TMEM121: variants seen among roughly 807,000 people sequenced by gnomAD.
TMEM121 encodes transmembrane protein 121A.
Under a neutral mutation model 16.4 loss-of-function variants are expected in TMEM121, and 8 were observed. The ratio of observed to expected loss-of-function variants is 0.49; its 90% CI spans 0.29 to 0.88. TMEM121 has a LOEUF of 0.88. Ranked by LOEUF, TMEM121 falls within the 40% of genes least tolerant of loss-of-function variation. The pLI is 0.09. For missense variants in TMEM121, 401 were observed against 462.0 expected (o/e 0.87, Z 1.21); for synonymous variants, 235 against 226.2 (o/e 1.04, Z -0.35).
In TMEM121 at chr14:105,529,164, C is replaced by T. The variant is rs367744233; in HGVS notation, c.330C>T (p.Arg110=). The part of the protein sequence containing the change: ...ARRGAADPVA[R]KALTLLLSVC... ...GCGGCGCGGCGGACCCCGTGGCGCG[C>T]AAGGCGCTGACGCTGCTGCTGTCTG... The change falls in exon 2 of 2, where the codon CGC becomes CGT. Residue 110 remains arginine (R), a synonymous_variant. Coordinates refer to ENST00000392519, the MANE Select transcript of TMEM121 (RefSeq NM_025268.4). 6.3e-7 allele frequency: 1 copy of T among 1,592,674 alleles called. No individual in the cohort carries two copies. Among genetic ancestry groups the T allele is most frequent in the Non-Finnish European group, 8.5e-7 (1 of 1,171,998 alleles).
rs1469806453 is a variant in TMEM121 at position 105,526,918 on chromosome 14, C to A, written c.-114+265C>A. Among the ~76,000 whole-genome samples, 1 of 152,102 alleles carries A rather than the reference C, an allele frequency of 6.6e-6. No individual in the cohort carries two copies. The highest frequency in any genetic ancestry group is 2.4e-5 in the African/African-American group (1 of 41,430). ...CGCGGCGGGAGCACAGCAGCCCCCT[C>A]CCGCCCCTCCTCCCGGGGGCTCCGA... On this transcript the variant is annotated intron_variant, in intron 1 of 1. Transcript: ENST00000392519. The surrounding 1 kb of genome is among the most constrained non-coding windows in gnomAD (Gnocchi z 6.8).
Position 105,528,978 on chromosome 14 carries a change from C to G in TMEM121, c.144C>G (p.Gly48=), listed in dbSNP as rs782684743. The part of the protein sequence containing the change: ...KIGVCIIVLV[G]DVCFLLVLRY... Reference sequence around the variant, plus strand: ...GCGTGTGCATCATCGTGCTGGTGGGCGACGTGTGCTTCCTGCTGGTGCTGC... The same window carrying G: ...GCGTGTGCATCATCGTGCTGGTGGGGGACGTGTGCTTCCTGCTGGTGCTGC... The change falls in exon 2 of 2, where the codon GGC becomes GGG. Residue 48 remains glycine (G), a synonymous_variant. Coordinates refer to ENST00000392519, the MANE Select transcript of TMEM121 (RefSeq NM_025268.4). The G allele has an allele frequency of 6.2e-7, 1 of 1,611,294 alleles. No homozygotes were observed. Among genetic ancestry groups the G allele is most frequent in the African/African-American group, 1.3e-5 (1 of 75,004 alleles).
intron 1 of TMEM121, among the ~76,000 whole-genome samples, chr14:105,528,054 A>G (rs781942298): frequency 9.3e-5 from 14 of 150,498 alleles, no homozygotes; most frequent in Admixed American, 3.3e-4. Context: ...CGCCAAGGCA[A>G]TGCGGAGCCA....
rs1329163704 is a variant in TMEM121 at position 105,529,833 on chromosome 14, G to A, written c.*39G>A. 1 of 1,379,522 alleles carries A rather than the reference G, an allele frequency of 7.2e-7. No homozygotes were observed. Among genetic ancestry groups the A allele is most frequent in the Admixed American group, 3.8e-5 (1 of 26,070 alleles). 85.5% of individuals were successfully genotyped at this position (1,379,522 alleles called of 1,614,324 possible). Reference sequence around the variant, plus strand: ...GCCCCCGACACGCCCCTGGGGCGCAGAGACACCGGGTTGGCTTGGGGCGCG... The same window carrying A: ...GCCCCCGACACGCCCCTGGGGCGCAAAGACACCGGGTTGGCTTGGGGCGCG... On this transcript the variant is annotated 3_prime_UTR_variant, in exon 2 of 2. Coordinates refer to ENST00000392519, the MANE Select transcript of TMEM121 (RefSeq NM_025268.4).
At chr14:105,528,685 G>T in intron 1 of TMEM121, 37 bp from the exon 2 acceptor site, 1 of 776,072 alleles carries the variant, frequency 1.3e-6, no homozygotes, top group Non-Finnish European at 1.7e-6. Flanking sequence ...GGCCGCTCCA[G>T]CCCGCACCCT....
chr14:105,529,763 C>A lies in TMEM121; in HGVS notation c.929C>A (p.Ser310Tyr). The change falls in exon 2 of 2, where the codon TCC (serine) becomes TAC (tyrosine). Residue 310 changes from serine (S) to tyrosine (Y), a missense_variant. Physicochemically the swap from Ser to Tyr is moderately radical, Grantham distance 144. Coordinates refer to ENST00000392519, the MANE Select transcript of TMEM121 (RefSeq NM_025268.4). The stretch of plus-strand genomic sequence containing the variant: ...GGCCCGCCTGGGCGCCCCCACATGT[C>A]CTCGCCCACGCGTGACCCCCTGGAC... ...LHGPPGRPHM[S>Y]SPTRDPLDT 6.7e-7 allele frequency: 1 copy of A among 1,490,802 alleles called. No individual in the cohort carries two copies. Among genetic ancestry groups the A allele is most frequent in the Admixed American group, 2.5e-5 (1 of 40,466 alleles). 92.3% of individuals were successfully genotyped at this position (1,490,802 alleles called of 1,614,324 possible).
rs1555444426 is a variant in TMEM121 at position 105,530,118 on chromosome 14, C to T, written c.*324C>T. Reference sequence around the variant, plus strand: ...CAGTGTGGGCGGAGATCTGCTCCTTCGGTGGGGGCCTCTGGCTCAGATTTG... The same window carrying T: ...CAGTGTGGGCGGAGATCTGCTCCTTTGGTGGGGGCCTCTGGCTCAGATTTG... On this transcript the variant is annotated 3_prime_UTR_variant, in exon 2 of 2. Transcript: ENST00000392519. The T allele has an allele frequency of 1.5e-5, 5 of 344,176 alleles. No individual in the cohort carries two copies. Among genetic ancestry groups the T allele is most frequent in the African/African-American group, 2.2e-5 (1 of 46,034 alleles). The allele number at this position is 344,176 out of a possible 1,614,324, so 21.3% of individuals were successfully genotyped here.
rs782194694 is a variant in TMEM121 at position 105,529,113 on chromosome 14, C to T, written c.279C>T (p.Ile93=). ...TGCTGGAGATCAAGCTCTACTTCATCTTCCAGAACTACAAGGCGGCGCGGC... is the reference window on the plus strand; with the variant it reads ...TGCTGGAGATCAAGCTCTACTTCATTTTCCAGAACTACAAGGCGGCGCGGC... ...IFVLEIKLYF[I]FQNYKAARRG... is the part of the protein sequence containing the mutation. The change falls in exon 2 of 2, where the codon ATC becomes ATT. Residue 93 remains isoleucine, a synonymous_variant. Transcript: ENST00000392519. 1.9e-6 allele frequency: 3 copies of T among 1,610,924 alleles called. No individual in the cohort carries two copies. The highest frequency in any genetic ancestry group is 2.2e-5 in the East Asian group (1 of 44,864).
At position 105,529,349 on chromosome 14, in the gene TMEM121, G is replaced by A. The variant is rs1189287802; in HGVS notation, c.515G>A (p.Arg172His). The change falls in exon 2 of 2, where the codon CGC becomes CAC. Residue 172 changes from arginine to histidine, a missense_variant. Coordinates refer to ENST00000392519, the MANE Select transcript of TMEM121 (RefSeq NM_025268.4). ...DMQASLWEPP[R>H]SGLPLWAEGL... ...CAGGCCAGCCTGTGGGAGCCGCCGC[G>A]CTCCGGGCTGCCGCTGTGGGCCGAG... 6.5e-7 allele frequency: 1 copy of A among 1,539,728 alleles called. No individual in the cohort carries two copies. The highest frequency in any genetic ancestry group is 1.4e-5 in the African/African-American group (1 of 73,118).
rs782231260 is a variant in TMEM121, at chr14:105,529,187, C to G, written c.353C>G (p.Ser118Cys). The change falls in exon 2 of 2, where the codon TCT becomes TGT. Residue 118 changes from serine (S) to cysteine (C), a missense_variant. By Grantham distance (112) the Ser-to-Cys change is moderately radical. Coordinates refer to ENST00000392519, the MANE Select transcript of TMEM121 (RefSeq NM_025268.4). ...CGCAAGGCGCTGACGCTGCTGCTGTCTGTGTGTGTGCCCGGCCTGTTCCTG... is the reference window on the plus strand; with the variant it reads ...CGCAAGGCGCTGACGCTGCTGCTGTGTGTGTGTGTGCCCGGCCTGTTCCTG... ...VARKALTLLL[S>C]VCVPGLFLLL... 1.2e-5 allele frequency: 19 copies of G among 1,585,634 alleles called. No individual in the cohort carries two copies. Among genetic ancestry groups the G allele is most frequent in the South Asian group, 7.9e-5 (7 of 88,450 alleles).
At position 105,529,254 on chromosome 14, in the gene TMEM121, C is replaced by T; in HGVS notation, c.420C>T (p.Phe140=). Residue 140 remains phenylalanine, a synonymous_variant, in exon 2 of 2, where the codon TTC becomes TTT. Transcript: ENST00000392519. ...ALDRMEYVRT[F]RKREDLRGRL... is the part of the protein sequence containing the mutation. ...ACCGCATGGAGTACGTGCGCACCTT[C>T]CGCAAGCGCGAGGACCTGCGCGGCC... 1.9e-6 allele frequency: 3 copies of T among 1,554,920 alleles called. No individual in the cohort carries two copies. Among genetic ancestry groups the T allele is most frequent in the Non-Finnish European group, 2.6e-6 (3 of 1,153,260 alleles).
Position 105,529,871 on chromosome 14 carries a change from G to C in TMEM121, c.*77G>C. The stretch of plus-strand genomic sequence containing the variant: ...GGCTTGGGGCGCGCGGTTTGCATGG[G>C]ATGGGGTGGGGGCGGGCTCCCCTAG... On this transcript the variant is annotated 3_prime_UTR_variant, in exon 2 of 2. Transcript: ENST00000392519. 7.7e-7 allele frequency: 1 copy of C among 1,298,428 alleles called. No homozygotes were observed. Among genetic ancestry groups the C allele is most frequent in the Non-Finnish European group, 1.0e-6 (1 of 1,002,976 alleles). The allele number at this position is 1,298,428 out of a possible 1,614,324, so 80.4% of individuals were successfully genotyped here.
rs587713041 is a variant in TMEM121 at position 105,530,147 on chromosome 14, C to A, written c.*353C>A. 1.1e-4 allele frequency: 33 copies of A among 299,210 alleles called. No individual in the cohort carries two copies. In the East Asian group the frequency reaches 2.1e-3, roughly 19 times the overall value. 18.5% of individuals were successfully genotyped at this position (299,210 alleles called of 1,614,324 possible). ...GGGGGCCTCTGGCTCAGATTTGGGG[C>A]CAAGGAGGCCTCTGTCATTTTAAAG... On this transcript the variant is annotated 3_prime_UTR_variant, in exon 2 of 2. Coordinates refer to ENST00000392519, the MANE Select transcript of TMEM121 (RefSeq NM_025268.4).
chr14:105,529,649 G>A lies in TMEM121; in HGVS notation c.815G>A (p.Arg272His). 6.3e-7 allele frequency: 1 copy of A among 1,577,010 alleles called. No individual in the cohort carries two copies. Residue 272 changes from arginine (R) to histidine (H), a missense_variant, in exon 2 of 2, where the codon CGC becomes CAC. Arg to His is a conservative substitution (Grantham distance 29). Transcript: ENST00000392519. ...TTCCTGGAGTACCGCCGCCAGGTGC[G>A]CGACTTCCCGCCGCCTGCGCTATCA... is the stretch of plus-strand genomic sequence containing the variant. ...CTFLEYRRQV[R>H]DFPPPALSLE...
rs1412958722 is a variant in TMEM121 at position 105,529,118 on chromosome 14, A to G, written c.284A>G (p.Gln95Arg). ...VLEIKLYFIF[Q>R]NYKAARRGAA... ...GAGATCAAGCTCTACTTCATCTTCCAGAACTACAAGGCGGCGCGGCGCGGC... is the reference window on the plus strand; with the variant it reads ...GAGATCAAGCTCTACTTCATCTTCCGGAACTACAAGGCGGCGCGGCGCGGC... Residue 95 changes from glutamine (Q) to arginine (R), a missense_variant, in exon 2 of 2, where the codon CAG becomes CGG. Physicochemically the swap from Gln to Arg is conservative, Grantham distance 43 (BLOSUM62 1). Transcript: ENST00000392519. 7 of 1,610,424 alleles carry G rather than the reference A, an allele frequency of 4.3e-6. No individual in the cohort carries two copies. In the Admixed American group the frequency reaches 1.0e-4, roughly 23 times the overall value.
intron 1 of TMEM121, 75 bp from the exon 2 acceptor site, chr14:105,528,640 CACGCGGG>C: frequency 2.4e-6 from 1 of 410,852 alleles, no homozygotes; most frequent in South Asian, 1.2e-4. Flanking sequence ...TGGTGGGAAG[CACGCGGG>C]GTGCGGGGGG....
In TMEM121 at chr14:105,529,377, C is replaced by A; in HGVS notation, c.543C>A (p.Gly181=). ...PRSGLPLWAE[G]LTFFYCYMLL... ...CCGGGCTGCCGCTGTGGGCCGAGGG[C>A]CTCACCTTCTTCTACTGCTACATGC... The change falls in exon 2 of 2, where the codon GGC becomes GGA. Residue 181 remains glycine (G), a synonymous_variant. Coordinates refer to ENST00000392519, the MANE Select transcript of TMEM121 (RefSeq NM_025268.4). 1 of 1,542,484 alleles carries A rather than the reference C, an allele frequency of 6.5e-7. No individual in the cohort carries two copies. Among genetic ancestry groups the A allele is most frequent in the African/African-American group, 1.4e-5 (1 of 73,136 alleles).
Position 105,529,487 on chromosome 14 carries a change from C to G in TMEM121, c.653C>G (p.Pro218Arg). 6.5e-7 allele frequency: 1 copy of G among 1,543,504 alleles called. No individual in the cohort carries two copies. Among genetic ancestry groups the G allele is most frequent in the Non-Finnish European group, 8.7e-7 (1 of 1,145,004 alleles). The part of the protein sequence containing the change: ...HIAPQKMMLY[P>R]VLSLATVNVV... ...GCGCCGCAGAAGATGATGCTGTACC[C>G]GGTGCTCAGCCTCGCCACCGTCAAT... Residue 218 changes from proline to arginine, a missense_variant, in exon 2 of 2, where the codon CCG (proline) becomes CGG (arginine). Pro to Arg is a moderately radical substitution (Grantham distance 103). Transcript: ENST00000392519.
In TMEM121 at chr14:105,528,801, C is replaced by A; in HGVS notation, c.-34C>A. 7.4e-7 allele frequency: 1 copy of A among 1,352,974 alleles called. No homozygotes were observed. The highest frequency in any genetic ancestry group is 9.4e-7 in the Non-Finnish European group (1 of 1,060,852). The allele number at this position is 1,352,974 out of a possible 1,614,324, so 83.8% of individuals were successfully genotyped here. The stretch of plus-strand genomic sequence containing the variant: ...GCCTCGTCCCGCCAGGCGTGGGGGC[C>A]GCGCGCGCCCAGGCCGGGGCCCGGC... On this transcript the variant is annotated 5_prime_UTR_variant, in exon 2 of 2. Transcript: ENST00000392519.
Sources: gnomAD v4.1 joint callset for allele counts (sites outside exome capture counted in the v4.1 genomes callset) on GRCh38, gnomAD v4.1.1 for gene constraint, Gnocchi (gnomAD v3.1) non-coding constraint, MANE v1.5 for transcripts, NCBI Gene and HGNC (gene_info 2026-07-23, HGNC 2026-07-21) for gene names.